The following GGNBP2 variants were observed in gnomAD, a reference collection of about 807,000 sequenced individuals.
GGNBP2 encodes gametogenetin-binding protein 2.
A neutral mutation model predicts 85.9 loss-of-function variants in GGNBP2; 10 were observed. The ratio of observed to expected loss-of-function variants is 0.12; its 90% CI spans 0.07 to 0.20. The LOEUF is 0.20. Among genes scored for constraint, GGNBP2 ranks in the 10% least tolerant of loss-of-function variants. The pLI, the probability that GGNBP2 is intolerant of heterozygous loss-of-function variation, is 1.00. For missense variants in GGNBP2, 595 were observed against 857.8 expected (o/e 0.69, Z 3.83); for synonymous variants, 287 against 285.7 (o/e 1.00, Z -0.05).
At chr17:36,545,512 A>G in intron 1 of GGNBP2, 107 bp from the exon 2 acceptor site, 1 of 463,550 alleles carries the variant, frequency 2.2e-6, no homozygotes, top group Non-Finnish European at 3.8e-6. Flanking sequence ...GGGTGATGGG[A>G]AACGCAGCCC....
intron 9 of GGNBP2, chr17:36,582,484 T>G (rs1356391165): frequency 6.6e-6 from 1 of 152,142 alleles, no homozygotes; most frequent in Non-Finnish European, 1.5e-5. Context: ...GCAGGTTGAT[T>G]TTTTCCCCCC....
chr17:36,549,453 G>A (rs1037744793), intron 2 of GGNBP2, among the ~76,000 whole-genome samples: 5 of 152,138 alleles, frequency 3.3e-5, no homozygotes, highest in African/African-American at 9.7e-5. Flanking sequence ...TCATCTGTCC[G>A]CCTCGGCCTC....
At chr17:36,577,312 A>G (rs1023686852) in intron 6 of GGNBP2, 1 of 152,196 alleles carries the variant, frequency 6.6e-6, no homozygotes, top group Non-Finnish European at 1.5e-5. Context: ...CTTTTGCCAC[A>G]TTTTATACAC....
chr17:36,560,820 A>T lies in GGNBP2; in HGVS notation c.476A>T (p.Asn159Ile). 6.2e-7 allele frequency: 1 copy of T among 1,605,120 alleles called. No homozygotes were observed. The highest frequency in any genetic ancestry group is 8.5e-7 in the Non-Finnish European group (1 of 1,176,144). Residue 159 changes from asparagine to isoleucine, a missense_variant, in exon 5 of 14, where the codon AAT becomes ATT. Asn to Ile is a moderately radical substitution (Grantham distance 149). Coordinates refer to ENST00000613102, the MANE Select transcript of GGNBP2 (RefSeq NM_024835.5). ...GATGCTATTCCAAAAAGTAAGAAGA[A>T]TAAGAGATGTCAGTTGCACTCCTTA... Reference protein sequence around the residue: ...MIDAIPKSKKNKRCQLHSLDT... With the variant: ...MIDAIPKSKKIKRCQLHSLDT...
intron 6 of GGNBP2, among the ~76,000 whole-genome samples, chr17:36,569,064 C>A (rs2074496926): frequency 1.3e-5 from 2 of 150,694 alleles, no homozygotes; most frequent in South Asian, 4.4e-4. Flanking sequence ...ACAAAGGAAT[C>A]TTCTAAGTGT....
At chr17:36,575,616 A>ATATG in intron 6 of GGNBP2, among the ~76,000 whole-genome samples, 1 of 64,004 alleles carries the variant, frequency 1.6e-5, no homozygotes, top group Non-Finnish European at 2.5e-5. Context: ...AATGTAACAT[A>ATATG]TATATATATA....
chr17:36,578,279 A>T (rs2074611507), intron 7 of GGNBP2, 93 bp downstream of exon 7: 1 of 893,738 alleles, frequency 1.1e-6, no homozygotes, highest in South Asian at 1.7e-5. Context: ...GCCTCAGTAC[A>T]TATGATATAT....
chr17:36,575,648 A>ATAT lies in GGNBP2; in HGVS notation c.642-2334_642-2333insATT, dbSNP rs374366757. 1.7e-3 allele frequency among the ~76,000 whole-genome samples: 91 copies of ATAT among 54,908 alleles called. 1 individual carries two copies. The highest frequency in any genetic ancestry group is 5.0e-3 in the African/African-American group (46 of 9,188). The allele number at this position is 54,908 out of a possible 152,430, so 36.0% of individuals were successfully genotyped here. ...TATATATATATATATATATATATATATTTTTTTTTTTTTTTGAGATGGAGT... is the reference window on the plus strand; with the variant it reads ...TATATATATATATATATATATATATATATTTTTTTTTTTTTTTTGAGATGGAGT... On this transcript the variant is annotated intron_variant, in intron 6 of 13. Transcript: ENST00000613102.
chr17:36,547,078 G>A (rs1373290905), intron 2 of GGNBP2: 1 of 152,174 alleles, frequency 6.6e-6, no homozygotes, highest in East Asian at 1.9e-4. Flanking sequence ...AGAATGATTT[G>A]TTCTGACATA....
rs956625202 is a variant in GGNBP2 at position 36,554,917 on chromosome 17, T to G, written c.174+17T>G. On this transcript the variant is annotated intron_variant, in intron 3 of 13. Transcript: ENST00000613102. ...TTCATTCAGGTAATAGTTTTTTCAATCAGTGTTTTTAATGGTGTATGTGTA... is the reference window on the plus strand; with the variant it reads ...TTCATTCAGGTAATAGTTTTTTCAAGCAGTGTTTTTAATGGTGTATGTGTA... 6.8e-7 allele frequency: 1 copy of G among 1,470,590 alleles called. No homozygotes were observed. The highest frequency in any genetic ancestry group is 1.4e-5 in the African/African-American group (1 of 72,032). The allele number at this position is 1,470,590 out of a possible 1,614,324, so 91.1% of individuals were successfully genotyped here. A position where few individuals can be genotyped will look rare whatever the true frequency, so the allele number is the denominator to read the frequency against.
chr17:36,579,448 C>A (rs2074103), intron 8 of GGNBP2, 29 bp downstream of exon 8: 677,345 of 1,599,414 alleles, frequency 0.42, 146,150 homozygotes, highest in Middle Eastern at 0.45. Flanking sequence ...TCCAGTATCT[C>A]AGATTGCTTA....
At chr17:36,551,817 G>T (rs2074311443) in intron 2 of GGNBP2, among the ~76,000 whole-genome samples, 1 of 151,934 alleles carries the variant, frequency 6.6e-6, no homozygotes, top group Admixed American at 6.6e-5. Context: ...CAACAGAGTT[G>T]AGACCCTGTC....
intron 4 of GGNBP2, among the ~76,000 whole-genome samples, chr17:36,558,269 GC>G: frequency 6.6e-6 from 1 of 151,092 alleles, no homozygotes; most frequent in South Asian, 2.1e-4. Flanking sequence ...CAAAAAATTA[GC>G]CAGGAGTGGT....
In GGNBP2 at chr17:36,551,633, C is replaced by T. The variant is rs190727963; in HGVS notation, c.94-3187C>T. ...CCTCGGAGAGTGGATCACCTGAGGT[C>T]AGGAGTTCAGGACCAGCCTGGCCAA... On this transcript the variant is annotated intron_variant, in intron 2 of 13. Transcript: ENST00000613102. Among the ~76,000 whole-genome samples the T allele has an allele frequency of 4.5e-3, 679 of 151,952 alleles. 5 individuals carry two copies. Among genetic ancestry groups the T allele is most frequent in the African/African-American group, 0.015 (638 of 41,478 alleles).
At position 36,585,350 on chromosome 17, in the gene GGNBP2, A is replaced by G. The variant is rs1324413036; in HGVS notation, c.1266A>G (p.Glu422=). Reference sequence around the variant, plus strand: ...GCTGCAAAGCCTGTGGCAGCACTGAAGATGGTAATACTTGTGTAGAAGTAA... The same window carrying G: ...GCTGCAAAGCCTGTGGCAGCACTGAGGATGGTAATACTTGTGTAGAAGTAA... ...NSSCKACGST[E]DGNTCVEVIV... The change falls in exon 10 of 14, where the codon GAA becomes GAG. Residue 422 remains glutamate, a synonymous_variant. Transcript: ENST00000613102. 1.2e-6 allele frequency: 2 copies of G among 1,612,726 alleles called. No homozygotes were observed. Among genetic ancestry groups the G allele is most frequent in the African/African-American group, 2.7e-5 (2 of 74,900 alleles).
chr17:36,571,921 C>G (rs146786273), intron 6 of GGNBP2, among the ~76,000 whole-genome samples: 1,521 of 151,924 alleles, frequency 0.01, 14 homozygotes, highest in Middle Eastern at 0.014. Flanking sequence ...CGTAGTGACA[C>G]ACCTGCAGTT....
chr17:36,580,874 G>T (rs535276132), intron 8 of GGNBP2, among the ~76,000 whole-genome samples: 1 of 151,390 alleles, frequency 6.6e-6, no homozygotes, highest in South Asian at 2.1e-4. Flanking sequence ...AACTGAGATG[G>T]TGCCACTGTA....
At chr17:36,588,600 A>ATTTTT (rs138773605) in intron 13 of GGNBP2, among the ~76,000 whole-genome samples, 3 of 128,794 alleles carry the variant, frequency 2.3e-5, no homozygotes, top group Non-Finnish European at 1.6e-5. Flanking sequence ...TTTAATATTT[A>ATTTTT]TTTATTTTTT....
At position 36,545,639 on chromosome 17, in the gene GGNBP2, G is replaced by C. The variant is rs573292202; in HGVS notation, c.-86G>C. The C allele has an allele frequency of 8.3e-5, 86 of 1,037,186 alleles. No individual in the cohort carries two copies. The African/African-American group carries it at 1.2e-3, about 15-fold the overall frequency. 64.2% of individuals were successfully genotyped at this position (1,037,186 alleles called of 1,614,324 possible). On this transcript the variant is annotated 5_prime_UTR_variant, in exon 2 of 14. Coordinates refer to ENST00000613102, the MANE Select transcript of GGNBP2 (RefSeq NM_024835.5). ...TGCAGGCAGGAGCTGGGAGGAGGCG[G>C]CAGCGGCGGCGGCAGAAACAGCAGC...
Sources: allele counts gnomAD v4.1 joint callset (sites outside exome capture counted in the v4.1 genomes callset), GRCh38; gene constraint gnomAD v4.1.1; transcripts MANE v1.5; gene names NCBI Gene and HGNC (gene_info 2026-07-23, HGNC 2026-07-21).